WASHC2C: variants seen among roughly 807,000 people sequenced by gnomAD.
The protein encoded by WASHC2C is Vaccinia Penetration Factor.
In WASHC2C, 73 loss-of-function variants were observed where a neutral mutation model predicts 142.2. The ratio of observed to expected loss-of-function variants is 0.51; its 90% CI spans 0.43 to 0.62. WASHC2C has a LOEUF of 0.62. WASHC2C is among the 20% of genes least tolerant of loss of function. The probability of loss-of-function intolerance (pLI) is 0.00; values close to 1 mark genes in which losing one functional copy is unlikely to be tolerated. For synonymous variants in WASHC2C, 337 were observed against 565.5 expected (o/e 0.60, Z 5.73); for missense variants, 969 against 1,531.7 (o/e 0.63, Z 6.13).
At chr10:45,785,076 TG>T (rs2057930489) in intron 25 of WASHC2C, among the ~76,000 whole-genome samples, 175 bp downstream of exon 25, 1 of 152,222 alleles carries the variant, frequency 6.6e-6, no homozygotes, top group Non-Finnish European at 1.5e-5. Context: ...GCTTAGTTTC[TG>T]TTGTTCCTCA....
intron 23 of WASHC2C, 107 bp downstream of exon 23, chr10:45,779,242 T>G (rs2057313550): frequency 4.0e-6 from 3 of 749,366 alleles, no homozygotes; most frequent in Non-Finnish European, 6.6e-6. Context: ...TAACCTTCAA[T>G]GTAGTGTGTT....
chr10:45,788,500 A>G (rs2058206780), intron 28 of WASHC2C, among the ~76,000 whole-genome samples: 1 of 152,124 alleles, frequency 6.6e-6, no homozygotes, highest in African/African-American at 2.4e-5. Flanking sequence ...AAAGATACCC[A>G]CGTTTCTGTT....
chr10:45,788,253 A>G (rs1248279717), intron 28 of WASHC2C, among the ~76,000 whole-genome samples: 2 of 152,240 alleles, frequency 1.3e-5, no homozygotes, highest in Admixed American at 6.5e-5. Flanking sequence ...CATAAACTGC[A>G]TCATTGCTAC....
chr10:45,785,750 G>A (rs1476723623), intron 26 of WASHC2C, 119 bp downstream of exon 26: 2 of 1,587,546 alleles, frequency 1.3e-6, no homozygotes, highest in African/African-American at 2.7e-5. Context: ...CAGCAACCAG[G>A]GCTACAGCTT....
intron 3 of WASHC2C, among the ~76,000 whole-genome samples, chr10:45,730,711 C>G (rs1554861908): frequency 6.6e-6 from 1 of 151,460 alleles, no homozygotes; most frequent in Non-Finnish European, 1.5e-5. Flanking sequence ...GCTCCGCCTC[C>G]CGGGTTCACG....
intron 17 of WASHC2C, among the ~76,000 whole-genome samples, chr10:45,761,552 T>G (rs1359947662): frequency 1.3e-5 from 2 of 152,222 alleles, no homozygotes; most frequent in African/African-American, 2.4e-5. Flanking sequence ...GTTCAGATTC[T>G]GAGGCAAGGA....
intron 8 of WASHC2C, 63 bp downstream of exon 8, chr10:45,746,710 T>G: frequency 6.3e-7 from 1 of 1,585,964 alleles, no homozygotes; most frequent in Admixed American, 1.7e-5. Context: ...GTATATATAC[T>G]AAAATTACTT....
chr10:45,743,538 A>T, intron 6 of WASHC2C, 55 bp downstream of exon 6: 1 of 1,584,198 alleles, frequency 6.3e-7, no homozygotes, highest in Non-Finnish European at 8.6e-7. Flanking sequence ...TTATTTTAAA[A>T]TAATTTCAAA....
chr10:45,736,980 C>A (rs1343024808), intron 3 of WASHC2C, among the ~76,000 whole-genome samples: 7 of 152,098 alleles, frequency 4.6e-5, no homozygotes, highest in African/African-American at 9.7e-5. Context: ...ATTTTAATTT[C>A]ATTTCATTTT....
intron 11 of WASHC2C, 119 bp downstream of exon 11, chr10:45,751,672 C>T: frequency 6.9e-7 from 1 of 1,448,378 alleles, no homozygotes; most frequent in Non-Finnish European, 9.4e-7. Context: ...GGGTCTGTCT[C>T]CATTTACTTT....
chr10:45,788,239 CTA>C (rs781869653), intron 28 of WASHC2C, among the ~76,000 whole-genome samples: 14 of 152,140 alleles, frequency 9.2e-5, no homozygotes, highest in Non-Finnish European at 1.5e-4. Context: ...ATTTTGGAAA[CTA>C]TCATAAACTG....
At chr10:45,765,072 GA>G (rs2055628220) in intron 18 of WASHC2C, among the ~76,000 whole-genome samples, 1 of 151,444 alleles carries the variant, frequency 6.6e-6, no homozygotes, top group South Asian at 2.1e-4. Context: ...GGGAGTGCTT[GA>G]CCACAGAAGA....
intron 28 of WASHC2C, among the ~76,000 whole-genome samples, chr10:45,788,633 G>T (rs1224521331): frequency 1.3e-5 from 2 of 152,132 alleles, no homozygotes; most frequent in Admixed American, 6.5e-5. Flanking sequence ...GCCCTGAAAA[G>T]ATTAAAAAAT....
intron 17 of WASHC2C, among the ~76,000 whole-genome samples, chr10:45,762,729 C>A (rs2055279687): frequency 1.3e-5 from 2 of 152,008 alleles, no homozygotes; most frequent in South Asian, 4.1e-4. Context: ...CATGGTGAAA[C>A]CCCGTCTCTA....
chr10:45,790,953 G>T (rs1370672116), intron 30 of WASHC2C, among the ~76,000 whole-genome samples: 1 of 152,164 alleles, frequency 6.6e-6, no homozygotes, highest in African/African-American at 2.4e-5. Flanking sequence ...GGTTCTGTGC[G>T]AGAAGAGAGC....
In WASHC2C at chr10:45,765,829, T is replaced by A. The variant is rs373266111; in HGVS notation, c.1869+19T>A. The A allele has an allele frequency of 6.2e-7, 1 of 1,611,554 alleles. No homozygotes were observed. Among genetic ancestry groups the A allele is most frequent in the African/African-American group, 1.3e-5 (1 of 74,882 alleles). On this transcript the variant is annotated intron_variant, in intron 19 of 30. Transcript: ENST00000623400. ...TGAGGAGGTGAGCTGAGGTTTCTGCTAAAAAAGAGGGGATTATTTCATGGG... is the reference window on the plus strand; with the variant it reads ...TGAGGAGGTGAGCTGAGGTTTCTGCAAAAAAAGAGGGGATTATTTCATGGG...
chr10:45,789,159 G>T lies in WASHC2C; in HGVS notation c.3376G>T (p.Glu1126Ter). ...FAKSLGHSRG[E>*]ADLFDSGDIF... is the part of the protein sequence containing the mutation. ...AAAGTCTCTGGGTCATTCCAGAGGG[G>T]AGGCTGACCTTTTTGATTCTGGGGA... is the stretch of plus-strand genomic sequence containing the variant. Residue 1126 changes from glutamate (E) to a stop codon, truncating the protein, a stop_gained, in exon 29 of 31, where the codon GAG becomes TAG. Coordinates refer to ENST00000623400, the MANE Select transcript of WASHC2C (RefSeq NM_001330074.2). LOFTEE classifies it high-confidence loss of function. 1.2e-6 allele frequency: 2 copies of T among 1,612,080 alleles called. No homozygotes were observed. The highest frequency in any genetic ancestry group is 2.2e-5 in the South Asian group (2 of 90,996).
At position 45,756,801 on chromosome 10, in the gene WASHC2C, A is replaced by G. The variant is rs1315828067; in HGVS notation, c.1421-211A>G. Among the ~76,000 whole-genome samples, 25 of 152,282 alleles carry G rather than the reference A, an allele frequency of 1.6e-4. No homozygotes were observed. The East Asian group carries it at 1.9e-3, about 12-fold the overall frequency. On this transcript the variant is annotated intron_variant, in intron 15 of 30. Coordinates refer to ENST00000623400, the MANE Select transcript of WASHC2C (RefSeq NM_001330074.2). ...AGCATGTCAGCCACGTGGATAAACTATCTGTTCTGTCTTTCAACTGAACTG... is the reference window on the plus strand; with the variant it reads ...AGCATGTCAGCCACGTGGATAAACTGTCTGTTCTGTCTTTCAACTGAACTG...
intron 28 of WASHC2C, among the ~76,000 whole-genome samples, chr10:45,788,241 A>G (rs546466838): frequency 6.6e-5 from 10 of 152,328 alleles, no homozygotes; most frequent in Admixed American, 2.6e-4. Flanking sequence ...TTTGGAAACT[A>G]TCATAAACTG....
Sources: gnomAD v4.1 joint callset for allele counts (sites outside exome capture counted in the v4.1 genomes callset) on GRCh38, gnomAD v4.1.1 for gene constraint, MANE v1.5 for transcripts, NCBI Gene and HGNC (gene_info 2026-07-23, HGNC 2026-07-21) for gene names.